The following PCDHA10 variants were observed in gnomAD, a reference collection of about 807,000 sequenced individuals.
PCDHA10 encodes the protein protocadherin alpha 10.
Under a neutral mutation model 61.2 loss-of-function variants are expected in PCDHA10, and 45 were observed. That is an observed-to-expected ratio of 0.74 (90% CI 0.58 to 0.94). The LOEUF (loss-of-function observed/expected upper bound fraction) is 0.94, where lower values mean the gene tolerates loss of function less well. PCDHA10 is among the 40% of genes least tolerant of loss of function. PCDHA10 has a pLI of 0.00. For missense variants in PCDHA10, 1,278 were observed against 1,236.2 expected (o/e 1.03, Z -0.51); for synonymous variants, 602 against 548.8 (o/e 1.10, Z -1.35).
Position 140,856,168 on chromosome 5 carries a change from C to G in PCDHA10, c.120C>G (p.His40Gln). Residue 40 changes from histidine to glutamine, a missense_variant, in exon 1 of 4, where the codon CAC becomes CAG. Coordinates refer to ENST00000307360, the MANE Select transcript of PCDHA10 (RefSeq NM_018901.4). ...ACTCAGTCTACGAGGAGGCCAGACA[C>G]GGCACCTTCGTGGGCCGCATCGCGC... ...LHYSVYEEAR[H>Q]GTFVGRIAQD... 6.3e-7 allele frequency: 1 copy of G among 1,598,314 alleles called. No homozygotes were observed. Among genetic ancestry groups the G allele is most frequent in the Non-Finnish European group, 8.6e-7 (1 of 1,167,904 alleles).
chr5:140,933,753 G>A (rs1554209575), intron 1 of PCDHA10, among the ~76,000 whole-genome samples: 1 of 151,976 alleles, frequency 6.6e-6, no homozygotes. Context: ...GAATTCACTA[G>A]TGAAGCTCTC....
chr5:141,000,913 A>G (rs967026969), intron 3 of PCDHA10, among the ~76,000 whole-genome samples: 1 of 152,218 alleles, frequency 6.6e-6, no homozygotes, highest in African/African-American at 2.4e-5. Context: ...GTCTCTAAAA[A>G]AAAAAATCCT....
At chr5:140,982,688 ATACATACATGATTTCCT>A in intron 3 of PCDHA10, 125 bp downstream of exon 3, 1 of 1,415,764 alleles carries the variant, frequency 7.1e-7, no homozygotes, top group African/African-American at 1.4e-5. Flanking sequence ...CCTTTTTTCC[ATACATACATGATTTCCT>A]TACATATATG....
chr5:140,915,389 G>T (rs1382922139), intron 1 of PCDHA10, among the ~76,000 whole-genome samples: 5 of 152,078 alleles, frequency 3.3e-5, no homozygotes, highest in African/African-American at 4.8e-5. Context: ...TGAAGAGCTA[G>T]GTATTTCTTA....
At chr5:140,882,282 G>A in intron 1 of PCDHA10, 3 of 1,612,830 alleles carry the variant, frequency 1.9e-6, no homozygotes, top group Non-Finnish European at 2.5e-6. Context: ...CTGTCTTCCT[G>A]GCAAGGAGGC....
At chr5:140,863,413 T>C (rs1581689381) in intron 1 of PCDHA10, 1 of 735,446 alleles carries the variant, frequency 1.4e-6, no homozygotes, top group Non-Finnish European at 2.3e-6. Flanking sequence ...CACGCTGGTG[T>C]ACCGCAGCGT....
chr5:140,876,493 C>T (rs1554168608), intron 1 of PCDHA10: 2 of 1,614,008 alleles, frequency 1.2e-6, no homozygotes, highest in Admixed American at 3.3e-5. Context: ...GGTGGAAGTT[C>T]TGGACGTGAA....
intron 1 of PCDHA10, among the ~76,000 whole-genome samples, chr5:140,917,329 G>GGC (rs1563018868): frequency 6.9e-6 from 1 of 143,930 alleles, no homozygotes; most frequent in Non-Finnish European, 1.5e-5. Context: ...TGTGGCGGGG[G>GGC]AGGGGGGGGA....
chr5:140,879,926 A>G (rs1214178444), intron 1 of PCDHA10, among the ~76,000 whole-genome samples: 7 of 152,170 alleles, frequency 4.6e-5, no homozygotes, highest in African/African-American at 1.4e-4. Flanking sequence ...TTACAAAGGT[A>G]CATGTGATTG....
intron 3 of PCDHA10, among the ~76,000 whole-genome samples, chr5:140,997,668 T>TTGTGTGTGTGTGTGTGTGTG (rs35184029): frequency 6.7e-6 from 1 of 148,244 alleles, no homozygotes; most frequent in African/African-American, 2.5e-5. Context: ...ATTATACAGC[T>TTGTGTGTGTGTGTGTGTGTG]TGTGTGTGTG....
In PCDHA10 at chr5:140,982,506, C is replaced by T. The variant is rs139355257; in HGVS notation, c.2479C>T (p.Arg827Trp). The change falls in exon 3 of 4, where the codon CGG (arginine) becomes TGG (tryptophan). Residue 827 changes from arginine to tryptophan, a missense_variant. Arg to Trp is a moderately radical substitution (Grantham distance 101). Coordinates refer to ENST00000307360, the MANE Select transcript of PCDHA10 (RefSeq NM_018901.4). ...GCACCTAGAGGAGGCTGGCATTCTACGGGCTGGTCCAGGAGGGCCTGATCA... is the reference window on the plus strand; with the variant it reads ...GCACCTAGAGGAGGCTGGCATTCTATGGGCTGGTCCAGGAGGGCCTGATCA... The part of the protein sequence containing the change: ...SVHLEEAGIL[R>W]AGPGGPDQQW... The T allele has an allele frequency of 3.5e-5, 57 of 1,614,162 alleles. No individual in the cohort carries two copies. Among genetic ancestry groups the T allele is most frequent in the Middle Eastern group, 3.3e-4 (2 of 6,058 alleles).
chr5:140,966,826 GC>G, intron 1 of PCDHA10: 1 of 1,560,690 alleles, frequency 6.4e-7, no homozygotes, highest in Non-Finnish European at 8.6e-7. Flanking sequence ...GGCGGCCCAT[GC>G]CCTGGCTGCT....
chr5:140,870,537 G>C (rs575452776), intron 1 of PCDHA10: 1 of 1,614,172 alleles, frequency 6.2e-7, no homozygotes, highest in Non-Finnish European at 8.5e-7. Context: ...CAGTGTCGGC[G>C]CGGGACGCGG....
intron 1 of PCDHA10, chr5:140,884,544 G>T: frequency 6.2e-7 from 1 of 1,614,222 alleles, no homozygotes; most frequent in South Asian, 1.1e-5. Flanking sequence ...CCGAGGGTGT[G>T]CTCTGGGGAG....
At chr5:140,958,711 T>C (rs1402769483) in intron 1 of PCDHA10, among the ~76,000 whole-genome samples, 1 of 152,216 alleles carries the variant, frequency 6.6e-6, no homozygotes, top group Non-Finnish European at 1.5e-5. Flanking sequence ...AACTCTGTTA[T>C]AATAAATGTA....
At chr5:140,971,419 G>A (rs1554233321) in intron 1 of PCDHA10, among the ~76,000 whole-genome samples, 1 of 152,140 alleles carries the variant, frequency 6.6e-6, no homozygotes. Context: ...TGGAAATCCA[G>A]TGAAGAACCC....
chr5:140,874,732 C>T (rs1338972564), intron 1 of PCDHA10, among the ~76,000 whole-genome samples: 1 of 152,186 alleles, frequency 6.6e-6, no homozygotes, highest in Non-Finnish European at 1.5e-5. Context: ...TTATCACATT[C>T]AAGCATCAAG....
intron 1 of PCDHA10, among the ~76,000 whole-genome samples, chr5:140,962,346 TC>T (rs35212677): frequency 6.6e-6 from 1 of 152,108 alleles, no homozygotes; most frequent in Non-Finnish European, 1.5e-5. Flanking sequence ...GAAGTAAAAC[TC>T]CCCCCAATAC....
At chr5:140,960,400 G>T (rs566510688) in intron 1 of PCDHA10, among the ~76,000 whole-genome samples, 4 of 152,114 alleles carry the variant, frequency 2.6e-5, no homozygotes, top group African/African-American at 9.6e-5. Context: ...ATGCAAGGGG[G>T]GGTGCCCAAA....
Sources: allele counts gnomAD v4.1 joint callset (sites outside exome capture counted in the v4.1 genomes callset), GRCh38; gene constraint gnomAD v4.1.1; transcripts MANE v1.5; gene names NCBI Gene and HGNC (gene_info 2026-07-23, HGNC 2026-07-21).